The following ADAMTS6 variants were observed in gnomAD, a reference collection of about 807,000 sequenced individuals.
The protein encoded by ADAMTS6 is A disintegrin and metalloproteinase with thrombospondin motifs 6.
In ADAMTS6, 23 loss-of-function variants were observed where a neutral mutation model predicts 144.3. The ratio of observed to expected loss-of-function variants is 0.16; its 90% CI spans 0.11 to 0.23. The LOEUF is 0.23. ADAMTS6 is among the 10% of genes least tolerant of loss of function. The pLI, the probability that ADAMTS6 is intolerant of heterozygous loss-of-function variation, is 1.00. For synonymous variants in ADAMTS6, 444 were observed against 457.5 expected (o/e 0.97, Z 0.38); for missense variants, 999 against 1,379.6 (o/e 0.72, Z 4.37).
chr5:65,170,545 G>A (rs968479400), intron 24 of ADAMTS6, 72 bp downstream of exon 24: 3 of 1,538,960 alleles, frequency 1.9e-6, no homozygotes, highest in Non-Finnish European at 2.7e-6. Flanking sequence ...GGTTTACTGT[G>A]CTCTTCAGAC....
At chr5:65,237,198 A>G (rs1758734808) in intron 15 of ADAMTS6, among the ~76,000 whole-genome samples, 1 of 152,172 alleles carries the variant, frequency 6.6e-6, no homozygotes, top group African/African-American at 2.4e-5. Context: ...GTTTGAGAAC[A>G]GCCTAGACAA....
intron 7 of ADAMTS6, among the ~76,000 whole-genome samples, chr5:65,372,024 G>C (rs1246557289): frequency 6.6e-6 from 1 of 151,948 alleles, no homozygotes; most frequent in Non-Finnish European, 1.5e-5. Flanking sequence ...GCCAAATTAA[G>C]CTTCATAAGT....
chr5:65,458,701 C>T (rs1428157970), intron 4 of ADAMTS6, among the ~76,000 whole-genome samples: 2 of 152,208 alleles, frequency 1.3e-5, no homozygotes, highest in African/African-American at 4.8e-5. Flanking sequence ...TGAGCCACTG[C>T]ACCCGGCCAA....
chr5:65,361,872 T>G lies in ADAMTS6; in HGVS notation c.1074-27787A>C, dbSNP rs577646890. On this transcript the variant is annotated intron_variant, in intron 7 of 24. Transcript: ENST00000381055. ...CTTCAGCCTCCATTAGTAGCTGGGA[T>G]GACAGGCATGGGCCATCATGCCAGG... Among the ~76,000 whole-genome samples the G allele has an allele frequency of 5.3e-5, 8 of 152,256 alleles. No individual in the cohort carries two copies. The East Asian group carries it at 1.4e-3, about 26-fold the overall frequency.
chr5:65,161,433 C>G (rs1752772148), intron 24 of ADAMTS6, among the ~76,000 whole-genome samples: 1 of 152,174 alleles, frequency 6.6e-6, no homozygotes, highest in Non-Finnish European at 1.5e-5. Context: ...TCACTTTTCC[C>G]AAGGTACACA....
intron 3 of ADAMTS6, among the ~76,000 whole-genome samples, chr5:65,466,571 T>A (rs1760022067): frequency 6.6e-6 from 1 of 152,140 alleles, no homozygotes; most frequent in Admixed American, 6.5e-5. Context: ...ACAGTGCCCA[T>A]TATATGGAAG....
intron 9 of ADAMTS6, among the ~76,000 whole-genome samples, chr5:65,318,090 AAAG>A (rs200365905): frequency 0.049 from 7,271 of 149,626 alleles, 215 homozygotes; most frequent in Non-Finnish European, 0.078. Context: ...AAAAAAAAAA[AAAG>A]AAGATATACA....
intron 9 of ADAMTS6, among the ~76,000 whole-genome samples, chr5:65,311,006 A>G (rs956358736): frequency 3.3e-5 from 5 of 149,370 alleles, no homozygotes; most frequent in African/African-American, 1.2e-4. Context: ...GAGAAAAGTG[A>G]AAAAAAAAAG....
At chr5:65,457,926 C>T (rs1759348581) in intron 4 of ADAMTS6, among the ~76,000 whole-genome samples, 3 of 151,630 alleles carry the variant, frequency 2.0e-5, no homozygotes, top group African/African-American at 7.3e-5. Flanking sequence ...GGGGTTTCAC[C>T]ATGTTGGCCA....
At chr5:65,438,204 T>C (rs967131170) in intron 7 of ADAMTS6, among the ~76,000 whole-genome samples, 2 of 152,176 alleles carry the variant, frequency 1.3e-5, no homozygotes, top group Non-Finnish European at 2.9e-5. Flanking sequence ...TATAATATTT[T>C]ACCAGAGGCT....
At chr5:65,225,674 T>A (rs1045259809) in intron 16 of ADAMTS6, among the ~76,000 whole-genome samples, 4 of 152,230 alleles carry the variant, frequency 2.6e-5, no homozygotes, top group African/African-American at 9.6e-5. Flanking sequence ...GGAGCATGGC[T>A]GTTTCACACT....
chr5:65,454,292 C>A (rs1050405210), intron 4 of ADAMTS6, among the ~76,000 whole-genome samples: 5 of 152,112 alleles, frequency 3.3e-5, no homozygotes, highest in African/African-American at 9.7e-5. Flanking sequence ...AAGAAATGTG[C>A]TAAGTCAGTA....
intron 14 of ADAMTS6, among the ~76,000 whole-genome samples, chr5:65,243,786 T>C (rs1329557127): frequency 6.6e-6 from 1 of 152,114 alleles, no homozygotes; most frequent in Non-Finnish European, 1.5e-5. Flanking sequence ...TGCAGCAGAC[T>C]ACTTTTAAAA....
At chr5:65,384,410 T>G (rs544017141) in intron 7 of ADAMTS6, among the ~76,000 whole-genome samples, 74 of 152,296 alleles carry the variant, frequency 4.9e-4, no homozygotes, top group Admixed American at 7.8e-4. Flanking sequence ...CTGCCCAATA[T>G]CCTATTTCAT....
intron 24 of ADAMTS6, among the ~76,000 whole-genome samples, chr5:65,152,327 T>C (rs1049528826): frequency 6.6e-6 from 1 of 152,224 alleles, no homozygotes; most frequent in African/African-American, 2.4e-5. Flanking sequence ...GGTTATTTTA[T>C]TCAACAGTGC....
intron 3 of ADAMTS6, among the ~76,000 whole-genome samples, chr5:65,468,845 T>C (rs1435994240): frequency 6.6e-6 from 1 of 152,232 alleles, no homozygotes; most frequent in Non-Finnish European, 1.5e-5. Context: ...AAGTTACTCG[T>C]TTCCAGAATT....
At chr5:65,210,626 G>T in intron 20 of ADAMTS6, 11 of 605,476 alleles carry the variant, frequency 1.8e-5, no homozygotes, top group Non-Finnish European at 3.3e-5. Flanking sequence ...GCTATGGATG[G>T]AGGCTTGTCT....
At chr5:65,363,615 A>C (rs1750030296) in intron 7 of ADAMTS6, among the ~76,000 whole-genome samples, 1 of 152,150 alleles carries the variant, frequency 6.6e-6, no homozygotes, top group African/African-American at 2.4e-5. Context: ...CATCTTGAAA[A>C]TGCATTTAAG....
chr5:65,345,411 T>G (rs983789363), intron 7 of ADAMTS6, among the ~76,000 whole-genome samples: 2 of 151,786 alleles, frequency 1.3e-5, no homozygotes, highest in Non-Finnish European at 3.0e-5. Context: ...GTATATTTAA[T>G]ATAGTATTGC....
Sources: gnomAD v4.1 joint callset for allele counts (sites outside exome capture counted in the v4.1 genomes callset) on GRCh38, gnomAD v4.1.1 for gene constraint, MANE v1.5 for transcripts, NCBI Gene and HGNC (gene_info 2026-07-23, HGNC 2026-07-21) for gene names.